DHRS3: variants seen among roughly 807,000 people sequenced by gnomAD.
The protein encoded by DHRS3 is short-chain dehydrogenase/reductase 3.
A neutral mutation model predicts 27.2 loss-of-function variants in DHRS3; 14 were observed. That is an observed-to-expected ratio of 0.52 (90% CI 0.34 to 0.81). The LOEUF (loss-of-function observed/expected upper bound fraction) is 0.81. Among genes scored for constraint, DHRS3 ranks in the 30% least tolerant of loss-of-function variants. DHRS3 has a pLI of 0.01. For missense variants in DHRS3, 322 were observed against 406.2 expected, an observed-to-expected ratio of 0.79 and a Z score of 1.78; for synonymous variants, 165 against 175.9, an observed-to-expected ratio of 0.94 and a Z score of 0.49.
At chr1:12,585,119 CTG>C (rs1302868555) in intron 1 of DHRS3, among the ~76,000 whole-genome samples, 1 of 143,972 alleles carries the variant, frequency 6.9e-6, no homozygotes, top group African/African-American at 2.6e-5. Flanking sequence ...CTGGGTGTCT[CTG>C]TGTGAGAGAG....
chr1:12,599,796 C>G (rs1452894366), intron 1 of DHRS3, among the ~76,000 whole-genome samples: 1 of 152,248 alleles, frequency 6.6e-6, no homozygotes, highest in Non-Finnish European at 1.5e-5. Context: ...AGAAGCCAGA[C>G]TGCCTGGATT....
At position 12,572,796 on chromosome 1, in the gene DHRS3, T is replaced by C. The variant is rs1646550528; in HGVS notation, c.756A>G (p.Glu252=). Residue 252 remains glutamate (E), a synonymous_variant, in exon 5 of 6, where the codon GAA becomes GAG. Transcript: ENST00000616661. Reference sequence around the variant, plus strand: ...GGAGGGCCTGGTTGAGCTGCACAGCTTCCACTGTCCTCCGGGCCACCGTCT... The same window carrying C: ...GGAGGGCCTGGTTGAGCTGCACAGCCTCCACTGTCCTCCGGGCCACCGTCT... ...KPETVARRTV[E]AVQLNQALLL... is the part of the protein sequence containing the mutation. 1 of 1,611,858 alleles carries C rather than the reference T, an allele frequency of 6.2e-7. No individual in the cohort carries two copies. Among genetic ancestry groups the C allele is most frequent in the African/African-American group, 1.3e-5 (1 of 74,902 alleles).
rs748793674 is a variant in DHRS3 at position 12,568,389 on chromosome 1, T to C, written c.860A>G (p.Lys287Arg). 1 of 1,613,738 alleles carries C rather than the reference T, an allele frequency of 6.2e-7. No homozygotes were observed. The highest frequency in any genetic ancestry group is 8.5e-7 in the Non-Finnish European group (1 of 1,179,760). Residue 287 changes from lysine (K) to arginine (R), a missense_variant, in exon 6 of 6, where the codon AAA becomes AGA. Transcript: ENST00000616661. ...CATGCAGGTGTAGGTTCCTGAGAATTTGTGGATCTCCTCGAGTGCAGCCTG... is the reference window on the plus strand; with the variant it reads ...CATGCAGGTGTAGGTTCCTGAGAATCTGTGGATCTCCTCGAGTGCAGCCTG... ...LPQAALEEIH[K>R]FSGTYTCMNT...
intron 1 of DHRS3, among the ~76,000 whole-genome samples, chr1:12,597,956 G>C (rs980814189): frequency 1.3e-5 from 2 of 152,176 alleles, no homozygotes; most frequent in African/African-American, 4.8e-5. Context: ...TGCCCAACAG[G>C]AACACCCAGT....
chr1:12,586,895 A>C lies in DHRS3; in HGVS notation c.196-6229T>G, dbSNP rs1384138825. Among the ~76,000 whole-genome samples, 2 of 152,052 alleles carry C rather than the reference A, an allele frequency of 1.3e-5. No individual in the cohort carries two copies. The highest frequency in any genetic ancestry group is 2.9e-5 in the Non-Finnish European group (2 of 67,954). ...AAGCTGGCAGAAGCTGGCACCCACT[A>C]ACTAACTGCTCAGTACCCACTCCCT... On this transcript the variant is annotated intron_variant, in intron 1 of 5. Coordinates refer to ENST00000616661, the MANE Select transcript of DHRS3 (RefSeq NM_004753.7). This position sits in a 1 kb window ranked among gnomAD's most constrained non-coding sequence, Gnocchi z 5.0.
At chr1:12,570,797 C>CGAGGTCA (rs1225497763) in intron 5 of DHRS3, among the ~76,000 whole-genome samples, 2 of 152,188 alleles carry the variant, frequency 1.3e-5, no homozygotes, top group African/African-American at 4.8e-5. Context: ...ATCTCAGACC[C>CGAGGTCA]GAGGTCAGGA....
intron 1 of DHRS3, among the ~76,000 whole-genome samples, chr1:12,605,480 T>C (rs1252141125): frequency 6.6e-6 from 1 of 152,204 alleles, no homozygotes; most frequent in African/African-American, 2.4e-5. Flanking sequence ...TTCCCATGTA[T>C]ATTAACAGTA....
chr1:12,581,411 A>G (rs1386166369), intron 1 of DHRS3, among the ~76,000 whole-genome samples: 1 of 152,148 alleles, frequency 6.6e-6, no homozygotes, highest in African/African-American at 2.4e-5. Flanking sequence ...AGATGGGACC[A>G]TTCCAGCCTC....
intron 1 of DHRS3, among the ~76,000 whole-genome samples, chr1:12,584,834 C>A (rs1387234790): frequency 2.6e-5 from 4 of 152,108 alleles, no homozygotes; most frequent in Non-Finnish European, 5.9e-5. Flanking sequence ...CTGTGCCAGG[C>A]TCTGTGTGTT....
intron 3 of DHRS3, 73 bp from the exon 4 acceptor site, chr1:12,579,029 A>G: frequency 1.4e-6 from 2 of 1,411,882 alleles, no homozygotes; most frequent in African/African-American, 2.8e-5. Context: ...TTCGGGGAGA[A>G]CAGCCCACCC....
At chr1:12,580,707 AGCC>A in intron 1 of DHRS3, 41 bp from the exon 2 acceptor site, 2 of 1,575,082 alleles carry the variant, frequency 1.3e-6, no homozygotes, top group Non-Finnish European at 8.6e-7. Flanking sequence ...ATGGTCATTA[AGCC>A]ACAGTGATGC....
At chr1:12,577,351 C>T (rs371121359) in intron 4 of DHRS3, among the ~76,000 whole-genome samples, 14 of 152,272 alleles carry the variant, frequency 9.2e-5, no homozygotes, top group African/African-American at 2.4e-4. Context: ...GAGACATTCG[C>T]GCACCCCATC....
At chr1:12,615,722 C>T (rs1646940058) in intron 1 of DHRS3, among the ~76,000 whole-genome samples, 1 of 152,196 alleles carries the variant, frequency 6.6e-6, no homozygotes, top group African/African-American at 2.4e-5. Context: ...CCCTCATCTG[C>T]CCTTTTCAGT....
intron 1 of DHRS3, among the ~76,000 whole-genome samples, chr1:12,613,016 C>T (rs575766223): frequency 4.6e-5 from 7 of 151,640 alleles, no homozygotes; most frequent in South Asian, 4.2e-4. Context: ...GCCAAGATCA[C>T]GCCATTGCAC....
At chr1:12,583,620 TCCA>T (rs1646666730) in intron 1 of DHRS3, among the ~76,000 whole-genome samples, 1 of 136,442 alleles carries the variant, frequency 7.3e-6, no homozygotes, top group African/African-American at 2.8e-5. Flanking sequence ...CATCCATCCA[TCCA>T]TCCATCCATC....
intron 2 of DHRS3, chr1:12,579,770 G>T: frequency 4.5e-6 from 1 of 221,226 alleles, no homozygotes; most frequent in Non-Finnish European, 9.1e-6. Context: ...ACCGCACCCG[G>T]TCCAATATAC....
At chr1:12,611,094 G>A (rs755664413) in intron 1 of DHRS3, among the ~76,000 whole-genome samples, 2 of 152,200 alleles carry the variant, frequency 1.3e-5, no homozygotes, top group African/African-American at 2.4e-5. Context: ...CAAATACCAA[G>A]ATGGAAATGA....
chr1:12,570,371 C>T (rs1646525499), intron 5 of DHRS3, among the ~76,000 whole-genome samples: 1 of 152,186 alleles, frequency 6.6e-6, no homozygotes, highest in South Asian at 2.1e-4. Flanking sequence ...TCACATGGGC[C>T]CGGCACAGAG....
intron 1 of DHRS3, among the ~76,000 whole-genome samples, chr1:12,584,795 C>A (rs541035703): frequency 3.4e-4 from 52 of 152,310 alleles, no homozygotes; most frequent in African/African-American, 1.2e-3. Flanking sequence ...GAGGCTCTGG[C>A]TGCTGTGCGC....
Sources: allele counts gnomAD v4.1 joint callset (sites outside exome capture counted in the v4.1 genomes callset), GRCh38; gene constraint gnomAD v4.1.1; non-coding constraint Gnocchi (gnomAD v3.1); transcripts MANE v1.5; gene names NCBI Gene and HGNC (gene_info 2026-07-23, HGNC 2026-07-21).